Variants in PIWIL1 observed in about 807,000 individuals in gnomAD.
PIWIL1 encodes piwi-like protein 1.
PIWIL1 carries 73 observed loss-of-function variants against 114.4 expected under a neutral mutation model. The ratio of observed to expected loss-of-function variants is 0.64; its 90% confidence interval spans 0.53 to 0.78. The LOEUF (loss-of-function observed/expected upper bound fraction) is 0.78. Among genes scored for constraint, PIWIL1 ranks in the 30% least tolerant of loss-of-function variants. The probability of loss-of-function intolerance (pLI) is 0.00; values close to 1 mark genes in which losing one functional copy is unlikely to be tolerated. For missense variants in PIWIL1, 723 were observed against 1,063.1 expected, an observed-to-expected ratio of 0.68 and a Z score of 4.45; for synonymous variants, 375 against 369.0, an observed-to-expected ratio of 1.02 and a Z score of -0.19.
downstream of PIWIL1, among the ~76,000 whole-genome samples, chr12:130,376,352 G>A (rs533550532): frequency 1.1e-4 from 16 of 152,320 alleles, no homozygotes; most frequent in South Asian, 1.4e-3. Context: ...AGCACATGAC[G>A]TGTAGCCTCT....
chr12:130,342,644 C>G lies in PIWIL1; in HGVS notation c.53C>G (p.Thr18Arg). ...RARGRARGQE[T>R]AQLVGSTASQ... ...AGAGGAAGGGCCCGCGGTCAGGAGACAGCGCAGCTGGTGGGCTCCACTGCC... is the reference window on the plus strand; with the variant it reads ...AGAGGAAGGGCCCGCGGTCAGGAGAGAGCGCAGCTGGTGGGCTCCACTGCC... The change falls in exon 2 of 21, where the codon ACA (threonine) becomes AGA (arginine). Residue 18 changes from threonine to arginine, a missense_variant. Coordinates refer to ENST00000245255, the MANE Select transcript of PIWIL1 (RefSeq NM_004764.5). The G allele has an allele frequency of 3.7e-6, 6 of 1,613,732 alleles. No homozygotes were observed. In the African/African-American group the frequency reaches 4.0e-5, roughly 11 times the overall value.
In PIWIL1 at chr12:130,372,339, T is replaced by G. The variant is rs1593129397; in HGVS notation, c.*741T>G. On this transcript the variant is annotated 3_prime_UTR_variant, in exon 21 of 21. Transcript: ENST00000245255. ...GTGATTGTCACCTTATTTGAATAAC[T>G]GTAATTCTTGTTTTACTGAAAGTAT... 1 of 152,298 alleles carries G rather than the reference T, an allele frequency of 6.6e-6. No individual in the cohort carries two copies. Among genetic ancestry groups the G allele is most frequent in the East Asian group, 1.9e-4 (1 of 5,190 alleles). 9.4% of individuals were successfully genotyped at this position (152,298 alleles called of 1,614,324 possible).
At chr12:130,358,194 C>T (rs1056401656) in intron 14 of PIWIL1, among the ~76,000 whole-genome samples, 3 of 152,158 alleles carry the variant, frequency 2.0e-5, no homozygotes, top group East Asian at 1.9e-4. Context: ...GCCAGAGTCT[C>T]GCTACCTAGC....
At chr12:130,426,186 C>A in the PIWIL1 span, 2 of 152,242 alleles carry the variant, frequency 1.3e-5, no homozygotes, top group African/African-American at 4.8e-5. Flanking sequence ...CTCACTGCCA[C>A]GTGAGAACGT....
chr12:130,377,940 C>T, the PIWIL1 span, among the ~76,000 whole-genome samples: 1 of 152,184 alleles, frequency 6.6e-6, no homozygotes, highest in Non-Finnish European at 1.5e-5. Flanking sequence ...CTGGACAGCG[C>T]AAGAATCTTT....
chr12:130,370,369 A>G (rs1279648846), intron 19 of PIWIL1, among the ~76,000 whole-genome samples: 4 of 152,208 alleles, frequency 2.6e-5, no homozygotes, highest in African/African-American at 9.7e-5. Context: ...AAAAGTCTGT[A>G]CTAAGCATGT....
At chr12:130,419,586 G>T in the PIWIL1 span, 1 of 152,104 alleles carries the variant, frequency 6.6e-6, no homozygotes, top group Non-Finnish European at 1.5e-5. The surrounding 1 kb of genome is among the most constrained non-coding windows in gnomAD (Gnocchi z 4.3). Context: ...CCTTTTTAAG[G>T]GGCAAAGCTT....
At chr12:130,339,462 G>C (rs1235490931) in intron 1 of PIWIL1, 1 of 152,230 alleles carries the variant, frequency 6.6e-6, no homozygotes, top group Non-Finnish European at 1.5e-5. Context: ...TGGTTCCCAC[G>C]TGCACGGCGT....
At chr12:130,377,153 T>C (rs2073873244), downstream of PIWIL1, among the ~76,000 whole-genome samples, 1 of 152,236 alleles carries the variant, frequency 6.6e-6, no homozygotes, top group African/African-American at 2.4e-5. Context: ...TCCCGCTAGA[T>C]GCTGAGCCCA....
intron 3 of PIWIL1, 136 bp from the exon 4 acceptor site, chr12:130,345,617 G>A (rs2073049130): frequency 2.3e-6 from 2 of 867,266 alleles, no homozygotes; most frequent in Non-Finnish European, 3.6e-6. Context: ...CCTAAAACAT[G>A]TTGATAGGAT....
chr12:130,400,736 A>T, the PIWIL1 span, among the ~76,000 whole-genome samples: 1 of 152,206 alleles, frequency 6.6e-6, no homozygotes, highest in Non-Finnish European at 1.5e-5. Flanking sequence ...CTATCTGCTA[A>T]GGGGTTAATA....
the PIWIL1 span, among the ~76,000 whole-genome samples, chr12:130,409,755 T>C: frequency 6.6e-6 from 1 of 152,182 alleles, no homozygotes; most frequent in Non-Finnish European, 1.5e-5. Context: ...TAGGCCCCAT[T>C]GTGTGGGGCG....
chr12:130,372,597 C>CAA (rs60262232), exon 21 of PIWIL1: 4 of 67,914 alleles, frequency 5.9e-5, 1 homozygote, highest in African/African-American at 1.4e-4. Flanking sequence ...GACTCCGTCT[C>CAA]AAAAAAAAAA....
chr12:130,347,946 C>T (rs185002591), intron 6 of PIWIL1, among the ~76,000 whole-genome samples, 157 bp from the exon 7 acceptor site: 2 of 152,254 alleles, frequency 1.3e-5, no homozygotes, highest in Non-Finnish European at 2.9e-5. Context: ...ATTTGAAAAC[C>T]GTTGGTAACT....
chr12:130,422,587 G>GT, the PIWIL1 span: 3 of 1,516,422 alleles, frequency 2.0e-6, no homozygotes, highest in Admixed American at 1.9e-5. This position sits in a 1 kb window ranked among gnomAD's most constrained non-coding sequence, Gnocchi z 5.2. Flanking sequence ...CAACAAAGTC[G>GT]TAAGTCTCGC....
the PIWIL1 span, among the ~76,000 whole-genome samples, chr12:130,423,766 C>G: frequency 2.7e-5 from 4 of 148,562 alleles, no homozygotes; most frequent in African/African-American, 9.9e-5. Context: ...AAAAAACCCT[C>G]GACAATACTA....
the PIWIL1 span, among the ~76,000 whole-genome samples, chr12:130,378,191 T>G: frequency 5.5e-3 from 835 of 152,258 alleles, 12 homozygotes; most frequent in African/African-American, 0.018. Flanking sequence ...CGGGACCAGA[T>G]GCAGCAGTGA....
At chr12:130,387,785 G>C in the PIWIL1 span, among the ~76,000 whole-genome samples, 1 of 152,146 alleles carries the variant, frequency 6.6e-6, no homozygotes, top group African/African-American at 2.4e-5. Flanking sequence ...CTTGCCTGTT[G>C]AAAAAGTTTT....
intron 9 of PIWIL1, 58 bp downstream of exon 9, chr12:130,350,025 C>CT (rs1314362107): frequency 1.0e-6 from 1 of 952,974 alleles, no homozygotes; most frequent in Non-Finnish European, 1.7e-6. Flanking sequence ...GTAGAATTCT[C>CT]TAACACTTGT....
Sources: gnomAD v4.1 joint callset for allele counts (sites outside exome capture counted in the v4.1 genomes callset) on GRCh38, gnomAD v4.1.1 for gene constraint, Gnocchi (gnomAD v3.1) non-coding constraint, MANE v1.5 for transcripts, NCBI Gene and HGNC (gene_info 2026-07-23, HGNC 2026-07-21) for gene names.